CIMIP2B: variants seen among roughly 807,000 people sequenced by gnomAD.
The protein encoded by CIMIP2B is family with sequence similarity 166 member B.
chr9:35,562,842 C>T, the CIMIP2B span: 2 of 1,613,678 alleles, frequency 1.2e-6, no homozygotes, highest in Non-Finnish European at 1.7e-6. Context: ...CACTCCCACA[C>T]CTCTGCACTC....
chr9:35,561,967 G>C, the CIMIP2B span: 3 of 918,190 alleles, frequency 3.3e-6, no homozygotes, highest in Non-Finnish European at 4.6e-6. Flanking sequence ...AGGATGGCTG[G>C]GATAGGATGA....
the CIMIP2B span, chr9:35,561,877 A>G: frequency 1.0e-5 from 7 of 691,986 alleles, no homozygotes; most frequent in African/African-American, 1.3e-4. Flanking sequence ...ATTAATAAAA[A>G]AGGTGCTCAG....
chr9:35,563,516 T>A, the CIMIP2B span: 1 of 806,320 alleles, frequency 1.2e-6, no homozygotes, highest in Non-Finnish European at 2.0e-6. Flanking sequence ...CAGGCATTTC[T>A]AAGTTCTCTG....
chr9:35,562,396 A>ATAGTT, the CIMIP2B span: 11 of 1,488,072 alleles, frequency 7.4e-6, no homozygotes, highest in Non-Finnish European at 9.8e-6. Flanking sequence ...CGTAGCCCCC[A>ATAGTT]TAGTTAGGTA....
At chr9:35,563,759 A>G in the CIMIP2B span, 2 of 1,612,864 alleles carry the variant, frequency 1.2e-6, no homozygotes, top group Non-Finnish European at 8.5e-7. Flanking sequence ...GCTAAGTGGG[A>G]GTCTTACCCT....
chr9:35,561,872 TA>T, the CIMIP2B span: 2 of 684,164 alleles, frequency 2.9e-6, no homozygotes. Context: ...TACCTATTAA[TA>T]AAAAAGGTGC....
At chr9:35,563,210 C>T in the CIMIP2B span, 15 of 1,613,890 alleles carry the variant, frequency 9.3e-6, no homozygotes, top group South Asian at 4.4e-5. Context: ...TTCTTGCCCA[C>T]GCCTGACAGG....
At chr9:35,563,705 AT>A in the CIMIP2B span, 1 of 1,513,064 alleles carries the variant, frequency 6.6e-7, no homozygotes, top group Admixed American at 1.7e-5. Context: ...AAGCAGCTTA[AT>A]TCCTCCACCC....
the CIMIP2B span, chr9:35,563,829 G>A: frequency 6.2e-7 from 1 of 1,613,844 alleles, no homozygotes; most frequent in Non-Finnish European, 8.5e-7. Context: ...CCACAGCCAT[G>A]GGGAGCCGGG....
At chr9:35,561,933 C>CCCAA in the CIMIP2B span, 1 of 541,560 alleles carries the variant, frequency 1.8e-6, no homozygotes, top group Non-Finnish European at 3.5e-6. Flanking sequence ...TCCCACCCTC[C>CCCAA]CACCCACCTC....
At chr9:35,562,683 C>T in the CIMIP2B span, 1 of 1,613,732 alleles carries the variant, frequency 6.2e-7, no homozygotes. Flanking sequence ...CCCTGTCATC[C>T]ATGGAGTAGG....
At chr9:35,563,017 A>C in the CIMIP2B span, 1 of 1,614,032 alleles carries the variant, frequency 6.2e-7, no homozygotes, top group Non-Finnish European at 8.5e-7. Flanking sequence ...AAAGTCACTC[A>C]GAGCCTCGGC....
At chr9:35,563,141 C>T in the CIMIP2B span, 2 of 1,613,406 alleles carry the variant, frequency 1.2e-6, no homozygotes, top group Non-Finnish European at 1.7e-6. Flanking sequence ...CTGGGAGGGG[C>T]ACCTGTGCAT....
chr9:35,562,637 C>T, the CIMIP2B span: 15 of 1,612,952 alleles, frequency 9.3e-6, no homozygotes, highest in Non-Finnish European at 1.2e-5. Flanking sequence ...ATCCTGACCC[C>T]CCAGCTCTCA....
the CIMIP2B span, chr9:35,563,220 G>A: frequency 6.2e-7 from 1 of 1,613,972 alleles, no homozygotes; most frequent in Non-Finnish European, 8.5e-7. Flanking sequence ...CGCCTGACAG[G>A]TAGACTCTCC....
chr9:35,562,988 G>T, the CIMIP2B span: 1 of 1,613,922 alleles, frequency 6.2e-7, no homozygotes, highest in Non-Finnish European at 8.5e-7. Flanking sequence ...TCACTCCCTT[G>T]CTTTTCATGC....
At chr9:35,563,179 G>A in the CIMIP2B span, 1 of 1,613,972 alleles carries the variant, frequency 6.2e-7, no homozygotes, top group Admixed American at 1.7e-5. Flanking sequence ...TGTACCCAGG[G>A]ATCATGCTGG....
the CIMIP2B span, chr9:35,562,604 C>G: frequency 1.2e-6 from 2 of 1,610,284 alleles, no homozygotes; most frequent in Non-Finnish European, 1.7e-6. Context: ...GCCAAGGCAT[C>G]CTGGGGCCTC....
the CIMIP2B span, chr9:35,563,538 G>T: frequency 1.7e-4 from 127 of 761,724 alleles, no homozygotes; most frequent in Middle Eastern, 3.7e-4. Flanking sequence ...CTGGGCTTTC[G>T]ATCCTTCCTC....
Sources: allele counts gnomAD v4.1 joint callset, GRCh38; gene constraint gnomAD v4.1.1; transcripts MANE v1.5; gene names NCBI Gene and HGNC (gene_info 2026-07-23, HGNC 2026-07-21).